SFI1: variants seen among roughly 807,000 people sequenced by gnomAD.
SFI1 encodes protein SFI1 homolog.
SFI1 carries 195 observed loss-of-function variants against 207.5 expected under a neutral mutation model. The ratio of observed to expected loss-of-function variants is 0.94; its 90% CI spans 0.84 to 1.06. The LOEUF is 1.06. Ranked by LOEUF, SFI1 falls within the 50% of genes least tolerant of loss-of-function variation. The pLI, the probability that SFI1 is intolerant of heterozygous loss-of-function variation, is 0.00. For synonymous variants in SFI1, 630 were observed against 598.9 expected (o/e 1.05, Z -0.76); for missense variants, 1,634 against 1,588.0 (o/e 1.03, Z -0.49).
chr22:31,575,102 GTGTGT>G, intron 9 of SFI1, 124 bp from the exon 10 acceptor site: 1 of 357,276 alleles, frequency 2.8e-6, no homozygotes, highest in Non-Finnish European at 4.3e-6. Flanking sequence ...GTGTGTGTGT[GTGTGT>G]GTGTGTGTGT....
chr22:31,567,766 G>T (rs1226996011), intron 8 of SFI1, among the ~76,000 whole-genome samples: 2 of 152,124 alleles, frequency 1.3e-5, no homozygotes, highest in Non-Finnish European at 2.9e-5. Flanking sequence ...TACAAAGCAA[G>T]AGTAAATAAA....
chr22:31,579,505 CG>C (rs1179761806), intron 11 of SFI1, among the ~76,000 whole-genome samples: 1 of 152,016 alleles, frequency 6.6e-6, no homozygotes, highest in African/African-American at 2.4e-5. Flanking sequence ...TTAATAGAGA[CG>C]GGGTTTCACC....
chr22:31,558,016 G>C (rs546970735), intron 7 of SFI1, among the ~76,000 whole-genome samples: 2 of 152,272 alleles, frequency 1.3e-5, no homozygotes, highest in African/African-American at 4.8e-5. Flanking sequence ...ACAAAGTATG[G>C]ATAATAGGAG....
chr22:31,575,319 C>T lies in SFI1; in HGVS notation c.1011C>T (p.Tyr337=), dbSNP rs144068624. Residue 337 remains tyrosine (Y), a synonymous_variant, in exon 10 of 33, where the codon TAC becomes TAT. Transcript: ENST00000400288. ...QQAWERRESL[Y]AHHAQVEKLA... Reference sequence around the variant, plus strand: ...CCTGGGAGCGGAGGGAGAGCTTGTACGCTCACCATGCCCAGGTGGAGAAAC... The same window carrying T: ...CCTGGGAGCGGAGGGAGAGCTTGTATGCTCACCATGCCCAGGTGGAGAAAC... 1,771 of 1,613,446 alleles carry T rather than the reference C, an allele frequency of 1.1e-3. 2 individuals carry two copies. Among genetic ancestry groups the T allele is most frequent in the East Asian group, 9.9e-3 (442 of 44,846 alleles).
At chr22:31,589,795 T>TGTG (rs1188508895) in intron 15 of SFI1, among the ~76,000 whole-genome samples, 5 of 151,664 alleles carry the variant, frequency 3.3e-5, no homozygotes, top group Non-Finnish European at 7.4e-5. Flanking sequence ...TATTTATTTT[T>TGTG]TTTGTGTGTG....
At chr22:31,536,767 T>G (rs1296222814) in intron 4 of SFI1, among the ~76,000 whole-genome samples, 1 of 152,220 alleles carries the variant, frequency 6.6e-6, no homozygotes, top group Non-Finnish European at 1.5e-5. Context: ...CATATTTGAC[T>G]GGGAACCTCT....
At chr22:31,524,719 G>A (rs1192203384) in intron 2 of SFI1, among the ~76,000 whole-genome samples, 1 of 138,304 alleles carries the variant, frequency 7.2e-6, no homozygotes, top group African/African-American at 2.8e-5. Flanking sequence ...TTTTTTTGCT[G>A]TTGAGATGTT....
At chr22:31,532,106 C>G (rs558615804) in intron 4 of SFI1, among the ~76,000 whole-genome samples, 4 of 151,998 alleles carry the variant, frequency 2.6e-5, no homozygotes, top group Admixed American at 2.6e-4. Flanking sequence ...AAGAATCATA[C>G]TTAAGTAAAT....
At chr22:31,569,262 C>G (rs987052126) in intron 8 of SFI1, among the ~76,000 whole-genome samples, 1 of 152,100 alleles carries the variant, frequency 6.6e-6, no homozygotes, top group South Asian at 2.1e-4. Context: ...AATCTGGCTA[C>G]CTGCCATCTG....
At chr22:31,559,337 C>T (rs529412514) in intron 7 of SFI1, 28 of 220,322 alleles carry the variant, frequency 1.3e-4, no homozygotes, top group African/African-American at 4.7e-4. Context: ...GCATGAGAAC[C>T]GCTTGAACAA....
chr22:31,510,818 A>G (rs957853870), intron 2 of SFI1, among the ~76,000 whole-genome samples: 3 of 152,182 alleles, frequency 2.0e-5, no homozygotes, highest in Admixed American at 2.0e-4. Context: ...TTGTTGGCAT[A>G]AAGTTAATTG....
chr22:31,519,104 C>T (rs1294023656), intron 2 of SFI1, among the ~76,000 whole-genome samples: 1 of 152,046 alleles, frequency 6.6e-6, no homozygotes, highest in Non-Finnish European at 1.5e-5. Context: ...CGTTGTAATG[C>T]TCATAAAAAT....
chr22:31,564,814 A>ATTTTTTTTTTTTTT (rs776647555), intron 8 of SFI1, among the ~76,000 whole-genome samples: 6 of 111,956 alleles, frequency 5.4e-5, no homozygotes, highest in African/African-American at 1.1e-4. Context: ...CTGGCCCAGA[A>ATTTTTTTTTTTTTT]TTTTTTTTTT....
In SFI1 at chr22:31,613,698, A is replaced by G. The variant is rs2070807505; in HGVS notation, c.2839A>G (p.Ile947Val). ...CGGGAAGCCTCAGCCCCTGGCAGCC[A>G]TCGCACCCAGCAGGAAAGTGACGTT... ...RGGKPQPLAA[I>V]APSRKVTFEG... Residue 947 changes from isoleucine to valine, a missense_variant, in exon 27 of 33, where the codon ATC (isoleucine) becomes GTC (valine). Physicochemically the swap from Ile to Val is conservative, Grantham distance 29 (BLOSUM62 3). Transcript: ENST00000400288. 3.7e-6 allele frequency: 6 copies of G among 1,612,400 alleles called. No homozygotes were observed. The highest frequency in any genetic ancestry group is 1.3e-5 in the African/African-American group (1 of 75,064).
In SFI1 at chr22:31,518,967, G is replaced by A. The variant is rs550140609; in HGVS notation, c.93-9723G>A. On this transcript the variant is annotated intron_variant, in intron 2 of 32. Transcript: ENST00000400288. ...TGTCCTTTGTGATTCCGCTGGGAGA[G>A]GATTCTTGGAAGCTTGCGCTTGATT... Among the ~76,000 whole-genome samples the A allele has an allele frequency of 1.1e-4, 17 of 152,274 alleles. 1 individual carries two copies. The South Asian group carries it at 3.5e-3, about 32-fold the overall frequency.
intron 4 of SFI1, among the ~76,000 whole-genome samples, chr22:31,542,344 T>C (rs1345655021): frequency 3.3e-5 from 5 of 151,902 alleles, no homozygotes; most frequent in Admixed American, 3.3e-4. Flanking sequence ...TACATAAAAA[T>C]AGGCCGGGCA....
At chr22:31,496,912 G>C (rs1289442420) in intron 1 of SFI1, among the ~76,000 whole-genome samples, 1 of 152,214 alleles carries the variant, frequency 6.6e-6, no homozygotes, top group Non-Finnish European at 1.5e-5. Context: ...TGGGGGCACC[G>C]CATCCTCCCA....
intron 1 of SFI1, among the ~76,000 whole-genome samples, chr22:31,505,432 G>A (rs2054472943): frequency 6.8e-6 from 1 of 147,268 alleles, no homozygotes; most frequent in Non-Finnish European, 1.5e-5. Context: ...GAGCGAGACT[G>A]TCTCGGAAAA....
chr22:31,568,799 A>G (rs1158939001), intron 8 of SFI1, among the ~76,000 whole-genome samples: 2 of 152,212 alleles, frequency 1.3e-5, no homozygotes, highest in East Asian at 3.9e-4. Flanking sequence ...GAAAAGTTTG[A>G]GCATCAAAAA....
Sources: allele counts gnomAD v4.1 joint callset (sites outside exome capture counted in the v4.1 genomes callset), GRCh38; gene constraint gnomAD v4.1.1; transcripts MANE v1.5; gene names NCBI Gene and HGNC (gene_info 2026-07-23, HGNC 2026-07-21).